NEDD4L: variants seen among roughly 807,000 people sequenced by gnomAD.
NEDD4L encodes E3 ubiquitin-protein ligase NEDD4-like.
Under a neutral mutation model 148.9 loss-of-function variants are expected in NEDD4L, and 54 were observed. That is an observed-to-expected ratio of 0.36 (90% CI 0.29 to 0.45). NEDD4L has a LOEUF of 0.45. Among genes scored for constraint, NEDD4L ranks in the 20% least tolerant of loss-of-function variants. The pLI is 1.00. For synonymous variants in NEDD4L, 433 were observed against 440.7 expected, an observed-to-expected ratio of 0.98 and a Z score of 0.22; for missense variants, 856 against 1,233.8, an observed-to-expected ratio of 0.69 and a Z score of 4.59.
chr18:58,335,838 G>T (rs995738421), intron 13 of NEDD4L: 4 of 261,140 alleles, frequency 1.5e-5, no homozygotes, highest in Non-Finnish European at 3.0e-5. Context: ...CTCCTGATAA[G>T]TTTTTCCATT....
At chr18:58,394,074 G>T (rs116079016) in intron 30 of NEDD4L, among the ~76,000 whole-genome samples, 1 of 152,200 alleles carries the variant, frequency 6.6e-6, no homozygotes, top group South Asian at 2.1e-4. Flanking sequence ...GCCCTGTGAG[G>T]ACAATGAGCT....
intron 9 of NEDD4L, among the ~76,000 whole-genome samples, chr18:58,328,776 T>C (rs1160451793): frequency 6.6e-6 from 1 of 152,258 alleles, no homozygotes; most frequent in African/African-American, 2.4e-5. Context: ...GTGTGACTAA[T>C]GCATTTTAAA....
At chr18:58,277,221 G>C (rs920267461) in intron 5 of NEDD4L, among the ~76,000 whole-genome samples, 13 of 146,612 alleles carry the variant, frequency 8.9e-5, no homozygotes, top group African/African-American at 3.3e-4. Flanking sequence ...CATGGGTCCT[G>C]CCAGGTGAGG....
At chr18:58,056,832 C>T (rs1298394942) in intron 1 of NEDD4L, among the ~76,000 whole-genome samples, 1 of 150,670 alleles carries the variant, frequency 6.6e-6, no homozygotes, top group African/African-American at 2.4e-5. Context: ...CCACCTGCCT[C>T]GGCCTACCAA....
intron 1 of NEDD4L, among the ~76,000 whole-genome samples, chr18:58,099,757 G>A (rs2084642180): frequency 1.3e-5 from 2 of 152,122 alleles, no homozygotes; most frequent in South Asian, 2.1e-4. Flanking sequence ...GGTGTAAGAC[G>A]GCCCTTTGTT....
chr18:58,333,848 T>G lies in NEDD4L; in HGVS notation c.1021T>G (p.Cys341Gly), dbSNP rs747298837. The G allele has an allele frequency of 6.2e-7, 1 of 1,613,920 alleles. No individual in the cohort carries two copies. Among genetic ancestry groups the G allele is most frequent in the South Asian group, 1.1e-5 (1 of 91,066 alleles). ...QREPSSRLRS[C>G]SVTDAVAEQG... is the part of the protein sequence containing the mutation. Reference sequence around the variant, plus strand: ...AGAACCCTCCTCAAGGTTGAGGTCATGCAGTGTCACCGACGCAGTTGCAGA... The same window carrying G: ...AGAACCCTCCTCAAGGTTGAGGTCAGGCAGTGTCACCGACGCAGTTGCAGA... The change falls in exon 12 of 31, where the codon TGC becomes GGC. Residue 341 changes from cysteine (C) to glycine (G), a missense_variant. Cys to Gly is a radical substitution (Grantham distance 159). Coordinates refer to ENST00000400345, the MANE Select transcript of NEDD4L (RefSeq NM_001144967.3).
intron 2 of NEDD4L, among the ~76,000 whole-genome samples, chr18:58,198,125 T>C (rs2040942112): frequency 6.6e-6 from 1 of 152,162 alleles, no homozygotes; most frequent in Non-Finnish European, 1.5e-5. Flanking sequence ...CTGACCTAGA[T>C]ATGTGATGGT....
chr18:58,216,283 T>C (rs981527696), intron 2 of NEDD4L, among the ~76,000 whole-genome samples: 1 of 151,760 alleles, frequency 6.6e-6, no homozygotes, highest in Admixed American at 6.6e-5. Flanking sequence ...AGAGAGTTCA[T>C]GGGGGAGGGC....
intron 5 of NEDD4L, among the ~76,000 whole-genome samples, chr18:58,308,154 A>C (rs1455107740): frequency 6.6e-6 from 1 of 152,248 alleles, no homozygotes; most frequent in East Asian, 1.9e-4. Flanking sequence ...CTTTTAAATT[A>C]AGTTCAATCT....
intron 5 of NEDD4L, among the ~76,000 whole-genome samples, chr18:58,307,486 G>A (rs2057204741): frequency 6.6e-6 from 1 of 152,180 alleles, no homozygotes; most frequent in Non-Finnish European, 1.5e-5. Flanking sequence ...TGCCTACATT[G>A]AGGCTGTTTA....
intron 1 of NEDD4L, among the ~76,000 whole-genome samples, chr18:58,076,469 G>A (rs1307359355): frequency 1.3e-5 from 2 of 152,206 alleles, no homozygotes; most frequent in Non-Finnish European, 2.9e-5. Context: ...AAGGTGGTAA[G>A]TTTTGCTTTC....
chr18:58,056,318 G>C (rs1003034918), intron 1 of NEDD4L, among the ~76,000 whole-genome samples: 2 of 152,208 alleles, frequency 1.3e-5, no homozygotes, highest in Admixed American at 6.5e-5. Flanking sequence ...TGTGAGGCTT[G>C]AGTTGGTCTG....
intron 1 of NEDD4L, among the ~76,000 whole-genome samples, chr18:58,115,245 C>CTTTTTTTTTTTTTTTTTT (rs60541981): frequency 6.9e-5 from 9 of 129,534 alleles, no homozygotes; most frequent in African/African-American, 1.5e-4. Context: ...TTCTTTCTTT[C>CTTTTTTTTTTTTTTTTTT]TTTTTTTTTT....
At chr18:58,386,731 T>C (rs1265546167) in intron 26 of NEDD4L, among the ~76,000 whole-genome samples, 1 of 152,124 alleles carries the variant, frequency 6.6e-6, no homozygotes, top group Non-Finnish European at 1.5e-5. Context: ...TCTCGTGGGG[T>C]GATGCTTTCC....
At chr18:58,216,377 A>AGT (rs1450914534) in intron 2 of NEDD4L, among the ~76,000 whole-genome samples, 4 of 152,262 alleles carry the variant, frequency 2.6e-5, no homozygotes, top group African/African-American at 9.6e-5. Flanking sequence ...GGTTGTAGTA[A>AGT]GTCAGCCTGG....
intron 1 of NEDD4L, among the ~76,000 whole-genome samples, chr18:58,148,407 C>G (rs2034334007): frequency 6.6e-6 from 1 of 152,174 alleles, no homozygotes; most frequent in African/African-American, 2.4e-5. Context: ...CTCAAGTTAT[C>G]TGCCTGCCTC....
At chr18:58,236,166 G>A (rs1660703276) in intron 2 of NEDD4L, among the ~76,000 whole-genome samples, 3 of 152,098 alleles carry the variant, frequency 2.0e-5, no homozygotes, top group Middle Eastern at 3.4e-3. Flanking sequence ...AGACCAACCT[G>A]GGCAACATAG....
At chr18:58,250,922 T>G (rs1049633835) in intron 4 of NEDD4L, among the ~76,000 whole-genome samples, 2 of 152,186 alleles carry the variant, frequency 1.3e-5, no homozygotes, top group Non-Finnish European at 2.9e-5. Flanking sequence ...TGGGCCATTT[T>G]GGTGAGGTTT....
intron 1 of NEDD4L, among the ~76,000 whole-genome samples, chr18:58,082,531 G>C (rs923145535): frequency 5.3e-5 from 8 of 151,580 alleles, no homozygotes; most frequent in South Asian, 4.2e-4. Context: ...CAGCACTTTG[G>C]GGGGCTGAGG....
Sources: allele counts gnomAD v4.1 joint callset (sites outside exome capture counted in the v4.1 genomes callset), GRCh38; gene constraint gnomAD v4.1.1; transcripts MANE v1.5; gene names NCBI Gene and HGNC (gene_info 2026-07-23, HGNC 2026-07-21).